Variants in CDH13 observed in about 807,000 individuals in gnomAD.
CDH13 encodes the protein cadherin 13.
In CDH13, 24 loss-of-function variants were observed where a neutral mutation model predicts 63.8. The observed-to-expected ratio is 0.38, with a 90% CI of 0.27 to 0.53. The LOEUF is 0.53. CDH13 is among the 20% of genes least tolerant of loss of function. The pLI is 0.85. For synonymous variants in CDH13, 503 were observed against 355.3 expected (o/e 1.42, Z -4.67); for missense variants, 1,049 against 903.1 (o/e 1.16, Z -2.07).
chr16:83,104,069 G>C (rs1328128082), intron 3 of CDH13, among the ~76,000 whole-genome samples: 1 of 152,216 alleles, frequency 6.6e-6, no homozygotes, highest in African/African-American at 2.4e-5. Context: ...GAAGGAGACT[G>C]ATCCTTCTGG....
intron 2 of CDH13, among the ~76,000 whole-genome samples, chr16:83,001,000 T>G (rs1597386401): frequency 6.6e-6 from 1 of 152,206 alleles, no homozygotes; most frequent in Admixed American, 6.5e-5. Flanking sequence ...CTCAGCTGAT[T>G]TTACTACCAT....
chr16:82,711,746 A>G (rs1048424706), intron 1 of CDH13, among the ~76,000 whole-genome samples: 3 of 152,204 alleles, frequency 2.0e-5, no homozygotes, highest in African/African-American at 7.2e-5. Context: ...AACACATTCT[A>G]AAGTTCAGAC....
chr16:83,103,938 C>T (rs975639141), intron 3 of CDH13, among the ~76,000 whole-genome samples: 1 of 152,154 alleles, frequency 6.6e-6, no homozygotes, highest in African/African-American at 2.4e-5. Context: ...AAAATTACTC[C>T]TTTCCTGTGG....
intron 11 of CDH13, among the ~76,000 whole-genome samples, chr16:83,778,013 A>T (rs1915240754): frequency 6.6e-6 from 1 of 152,222 alleles, no homozygotes; most frequent in African/African-American, 2.4e-5. Flanking sequence ...ATGGTGCTGT[A>T]ATTTTAGAGG....
chr16:83,474,324 T>C (rs2073543179), intron 6 of CDH13, among the ~76,000 whole-genome samples: 1 of 152,078 alleles, frequency 6.6e-6, no homozygotes, highest in Non-Finnish European at 1.5e-5. Context: ...CTCTGTAAGG[T>C]TGTGTATGTT....
In CDH13 at chr16:83,646,692, CAA is replaced by C. The variant is rs199756336; in HGVS notation, c.1102-24078_1102-24077del. Among the ~76,000 whole-genome samples the C allele has an allele frequency of 6.7e-3, 485 of 72,676 alleles. 4 individuals are homozygous for C. Among genetic ancestry groups the C allele is most frequent in the African/African-American group, 0.021 (463 of 21,874 alleles). 47.7% of individuals were successfully genotyped at this position (72,676 alleles called of 152,430 possible). A position where few individuals can be genotyped will look rare whatever the true frequency, so the allele number is the denominator to read the frequency against. Reference sequence around the variant, plus strand: ...GGGTGACAAGAGCAAGACTCCGTCTCAAAAAAAAAAAAAAAAAAAAACACACA... The same window carrying C: ...GGGTGACAAGAGCAAGACTCCGTCTCAAAAAAAAAAAAAAAAAAACACACA... On this transcript the variant is annotated intron_variant, in intron 8 of 13. Transcript: ENST00000567109.
chr16:83,605,981 TG>T (rs1330611574), intron 8 of CDH13, among the ~76,000 whole-genome samples: 1 of 152,168 alleles, frequency 6.6e-6, no homozygotes, highest in Admixed American at 6.5e-5. Flanking sequence ...AGAAACCTGC[TG>T]GGGAGAGGAG....
chr16:82,916,340 C>T lies in CDH13; in HGVS notation c.157+57867C>T, dbSNP rs182319290. 4.8e-4 allele frequency among the ~76,000 whole-genome samples: 73 copies of T among 152,188 alleles called. No individual in the cohort carries two copies. The East Asian group carries it at 0.013, about 27-fold the overall frequency. ...CCTGTAATCCCAGCACTTTGGGAGG[C>T]CGAAGCGAGTGGATGACGAGGTTAG... On this transcript the variant is annotated intron_variant, in intron 2 of 13. Coordinates refer to ENST00000567109, the MANE Select transcript of CDH13 (RefSeq NM_001257.5).
At chr16:83,718,005 G>A (rs1909175046) in intron 10 of CDH13, 2 of 152,230 alleles carry the variant, frequency 1.3e-5, no homozygotes. Context: ...CCGCTGTCTG[G>A]TGGGAATTCT....
intron 6 of CDH13, among the ~76,000 whole-genome samples, chr16:83,403,580 A>T (rs1284623450): frequency 1.3e-5 from 2 of 152,242 alleles, no homozygotes; most frequent in East Asian, 3.9e-4. Context: ...CCGAGATGGC[A>T]CAATTGCAGT....
chr16:83,728,704 T>C (rs941002045), intron 10 of CDH13, among the ~76,000 whole-genome samples: 1 of 152,200 alleles, frequency 6.6e-6, no homozygotes, highest in Non-Finnish European at 1.5e-5. Flanking sequence ...TATATGTTTA[T>C]ATATTAGGTT....
At chr16:82,863,479 C>G (rs1484138754) in intron 2 of CDH13, among the ~76,000 whole-genome samples, 1 of 149,210 alleles carries the variant, frequency 6.7e-6, no homozygotes. Flanking sequence ...TTCAAATGTG[C>G]ACACAGTCAT....
Position 82,806,779 on chromosome 16 carries a change from G to A in CDH13, c.46-51583G>A, listed in dbSNP as rs918157338. ...ACAATGAAGAGTGAAATACAGTCCT[G>A]TTTCTCTAGCAGTGAAATTTCAGAT... On this transcript the variant is annotated intron_variant, in intron 1 of 13. Transcript: ENST00000567109. Among the ~76,000 whole-genome samples, 42 of 152,122 alleles carry A rather than the reference G, an allele frequency of 2.8e-4. 1 individual carries two copies. The highest frequency in any genetic ancestry group is 4.6e-4 in the Admixed American group (7 of 15,268).
At chr16:82,964,240 A>C (rs1439983347) in intron 2 of CDH13, among the ~76,000 whole-genome samples, 1 of 152,218 alleles carries the variant, frequency 6.6e-6, no homozygotes, top group East Asian at 1.9e-4. Context: ...ATTTCCTTGA[A>C]GTCCCCTGTA....
At chr16:83,327,067 A>G (rs1421849979) in intron 5 of CDH13, among the ~76,000 whole-genome samples, 1 of 152,254 alleles carries the variant, frequency 6.6e-6, no homozygotes, top group Admixed American at 6.5e-5. Flanking sequence ...TGTAAGAAAT[A>G]TGAGTCTATT....
At chr16:83,295,530 G>C (rs11149555) in intron 5 of CDH13, among the ~76,000 whole-genome samples, 2 of 151,956 alleles carry the variant, frequency 1.3e-5, no homozygotes, top group African/African-American at 4.8e-5. Flanking sequence ...TGAATAGACA[G>C]TTTTCTAAAG....
chr16:83,166,489 G>A (rs2037677609), intron 4 of CDH13, among the ~76,000 whole-genome samples: 1 of 152,088 alleles, frequency 6.6e-6, no homozygotes, highest in Non-Finnish European at 1.5e-5. Flanking sequence ...TCCAAGATCA[G>A]ATTTTTATCG....
At chr16:83,718,380 T>C (rs575842031) in intron 10 of CDH13, among the ~76,000 whole-genome samples, 21 of 152,212 alleles carry the variant, frequency 1.4e-4, no homozygotes, top group Non-Finnish European at 2.4e-4. Flanking sequence ...ATAGTGAAAG[T>C]ATGGTTTATT....
intron 10 of CDH13, among the ~76,000 whole-genome samples, chr16:83,719,201 A>G (rs1909349954): frequency 6.6e-6 from 1 of 152,342 alleles, no homozygotes; most frequent in Admixed American, 6.5e-5. Context: ...ACATTTGACA[A>G]TGACATTTGA....
Sources: allele counts gnomAD v4.1 joint callset (sites outside exome capture counted in the v4.1 genomes callset), GRCh38; gene constraint gnomAD v4.1.1; transcripts MANE v1.5; gene names NCBI Gene and HGNC (gene_info 2026-07-23, HGNC 2026-07-21).